The following COL25A1 variants were observed in gnomAD, a reference collection of about 807,000 sequenced individuals.
The protein encoded by COL25A1 is collagen alpha-1(XXV) chain.
COL25A1 carries 103 observed loss-of-function variants against 128.4 expected under a neutral mutation model. That is an observed-to-expected ratio of 0.80 (90% CI 0.68 to 0.94). COL25A1 has a LOEUF of 0.94. COL25A1 is among the 40% of genes least tolerant of loss of function. COL25A1 has a pLI of 0.00. For synonymous variants in COL25A1, 279 were observed against 277.2 expected (o/e 1.01, Z -0.06); for missense variants, 745 against 840.0 (o/e 0.89, Z 1.40).
At chr4:109,186,484 A>C (rs757335352) in intron 3 of COL25A1, among the ~76,000 whole-genome samples, 3 of 152,222 alleles carry the variant, frequency 2.0e-5, no homozygotes, top group Non-Finnish European at 2.9e-5. Context: ...CATCAATTAC[A>C]TTATTGTATG....
chr4:109,232,795 T>G (rs4956253), intron 3 of COL25A1, among the ~76,000 whole-genome samples: 72,182 of 151,976 alleles, frequency 0.47, 17,992 homozygotes, highest in African/African-American at 0.57. Flanking sequence ...TGTCTCAGAT[T>G]CTGTTTTATT....
chr4:108,851,598 G>C (rs1467143129), intron 26 of COL25A1, among the ~76,000 whole-genome samples: 1 of 152,154 alleles, frequency 6.6e-6, no homozygotes, highest in African/African-American at 2.4e-5. Flanking sequence ...CTGGCCATGT[G>C]TTAATTGATC....
intron 8 of COL25A1, among the ~76,000 whole-genome samples, chr4:108,942,426 A>G (rs1383257120): frequency 6.6e-6 from 1 of 151,876 alleles, no homozygotes; most frequent in African/African-American, 2.4e-5. Context: ...TTAGACACAT[A>G]AGGCCCCAAA....
At chr4:108,999,609 T>C (rs1755150880) in intron 6 of COL25A1, among the ~76,000 whole-genome samples, 1 of 152,148 alleles carries the variant, frequency 6.6e-6, no homozygotes, top group Non-Finnish European at 1.5e-5. Flanking sequence ...AGCAATCCCA[T>C]TACTGGGTAT....
chr4:108,985,636 A>G (rs2126004867), intron 6 of COL25A1, among the ~76,000 whole-genome samples: 1 of 152,342 alleles, frequency 6.6e-6, no homozygotes, highest in Middle Eastern at 3.4e-3. Flanking sequence ...TCAAGGCATA[A>G]GAGAGGAGTT....
intron 5 of COL25A1, among the ~76,000 whole-genome samples, chr4:109,039,688 G>A (rs1356131165): frequency 5.3e-5 from 8 of 152,138 alleles, no homozygotes; most frequent in African/African-American, 1.7e-4. Context: ...CAAAAGTCAC[G>A]TCTTATTTGC....
At chr4:109,111,786 G>C (rs532646299) in intron 3 of COL25A1, among the ~76,000 whole-genome samples, 1 of 152,086 alleles carries the variant, frequency 6.6e-6, no homozygotes, top group African/African-American at 2.4e-5. Context: ...TCTCCCATTA[G>C]GCTATAGGCT....
intron 6 of COL25A1, among the ~76,000 whole-genome samples, chr4:108,994,316 T>C (rs544706450): frequency 1.3e-5 from 2 of 152,224 alleles, no homozygotes; most frequent in Non-Finnish European, 2.9e-5. Flanking sequence ...CCGTGCCTGG[T>C]GCAGTGGGTC....
chr4:109,008,493 T>C (rs1310662399), intron 6 of COL25A1, among the ~76,000 whole-genome samples: 1 of 152,182 alleles, frequency 6.6e-6, no homozygotes, highest in African/African-American at 2.4e-5. Flanking sequence ...TCTTAAGAAA[T>C]GCTTTGGGAT....
chr4:109,125,606 G>A (rs755485782), intron 3 of COL25A1, among the ~76,000 whole-genome samples: 1 of 152,048 alleles, frequency 6.6e-6, no homozygotes, highest in Non-Finnish European at 1.5e-5. Context: ...CTGTGCCCGT[G>A]GTCACTGGCT....
chr4:108,973,711 A>G (rs954788506), intron 8 of COL25A1, among the ~76,000 whole-genome samples: 1 of 152,194 alleles, frequency 6.6e-6, no homozygotes, highest in Non-Finnish European at 1.5e-5. Flanking sequence ...CATTTGGGTA[A>G]TAAGGCACAG....
chr4:109,108,137 G>A lies in COL25A1; in HGVS notation c.368-57958C>T, dbSNP rs186517171. ...GTTGGTGTGCTGCACCCACTAACTC[G>A]TCATTTAACATTAGGTATATCTCCT... On this transcript the variant is annotated intron_variant, in intron 3 of 37. Coordinates refer to ENST00000399132, the MANE Select transcript of COL25A1 (RefSeq NM_198721.4). Among the ~76,000 whole-genome samples, 4 of 152,188 alleles carry A rather than the reference G, an allele frequency of 2.6e-5. No homozygotes were observed. The East Asian group carries it at 7.7e-4, about 29-fold the overall frequency.
intron 3 of COL25A1, among the ~76,000 whole-genome samples, chr4:109,188,955 T>C (rs1775365559): frequency 6.6e-6 from 1 of 152,088 alleles, no homozygotes; most frequent in Non-Finnish European, 1.5e-5. Flanking sequence ...AGTAATTTAG[T>C]TAATAAACAT....
intron 21 of COL25A1, among the ~76,000 whole-genome samples, 185 bp from the exon 22 acceptor site, chr4:108,862,730 T>A (rs1418240825): frequency 6.6e-6 from 1 of 152,188 alleles, no homozygotes; most frequent in African/African-American, 2.4e-5. Context: ...CATCACCATA[T>A]CATCAATTCA....
chr4:108,868,861 G>A (rs1010610380), intron 20 of COL25A1, among the ~76,000 whole-genome samples: 1 of 142,678 alleles, frequency 7.0e-6, no homozygotes, highest in Non-Finnish European at 1.5e-5. Flanking sequence ...AGGAAAGAAG[G>A]AAGGAAGAGA....
At chr4:109,139,193 ATTTG>A (rs1200867046) in intron 3 of COL25A1, among the ~76,000 whole-genome samples, 2 of 118,452 alleles carry the variant, frequency 1.7e-5, no homozygotes, top group Non-Finnish European at 4.1e-5. Flanking sequence ...TTCCTTGTAA[ATTTG>A]TTTAAGTTCC....
intron 6 of COL25A1, among the ~76,000 whole-genome samples, chr4:108,983,187 AT>A (rs199603625): frequency 3.2e-4 from 49 of 151,644 alleles, no homozygotes; most frequent in East Asian, 5.8e-4. Flanking sequence ...TTTAACTTTG[AT>A]TTTTTTTTAA....
At chr4:109,138,690 GTTTTTGTTTTTTGT>G (rs574705590) in intron 3 of COL25A1, among the ~76,000 whole-genome samples, 9 of 150,864 alleles carry the variant, frequency 6.0e-5, no homozygotes, top group South Asian at 2.1e-4. Context: ...TTTTGTTTTT[GTTTTTGTTTTTTGT>G]TTTTTGTTTT....
intron 3 of COL25A1, among the ~76,000 whole-genome samples, chr4:109,090,839 G>A (rs750890601): frequency 3.3e-5 from 5 of 152,114 alleles, no homozygotes; most frequent in East Asian, 1.9e-4. Flanking sequence ...TGACATCTTC[G>A]AGGGATGAGT....
Sources: allele counts gnomAD v4.1 joint callset (sites outside exome capture counted in the v4.1 genomes callset), GRCh38; gene constraint gnomAD v4.1.1; transcripts MANE v1.5; gene names NCBI Gene and HGNC (gene_info 2026-07-23, HGNC 2026-07-21).